Variants in DSCAML1 observed in about 807,000 individuals in gnomAD.
DSCAML1 encodes the protein DS cell adhesion molecule like 1.
A neutral mutation model predicts 200.5 loss-of-function variants in DSCAML1; 38 were observed. That is an observed-to-expected ratio of 0.19 (90% CI 0.15 to 0.25). The LOEUF (loss-of-function observed/expected upper bound fraction) is 0.25. Ranked by LOEUF, DSCAML1 falls within the 10% of genes least tolerant of loss-of-function variation. The pLI is 1.00. For missense variants in DSCAML1, 2,223 were observed against 2,858.8 expected (o/e 0.78, Z 5.07); for synonymous variants, 1,215 against 1,165.0 (o/e 1.04, Z -0.87).
chr11:117,731,394 C>T (rs1222266595), intron 3 of DSCAML1, among the ~76,000 whole-genome samples: 1 of 152,176 alleles, frequency 6.6e-6, no homozygotes, highest in Non-Finnish European at 1.5e-5. Flanking sequence ...CTCCTGCCCA[C>T]CTCTCTGGCC....
chr11:117,688,272 C>A (rs2053439289), intron 3 of DSCAML1, among the ~76,000 whole-genome samples: 1 of 152,192 alleles, frequency 6.6e-6, no homozygotes, highest in Admixed American at 6.5e-5. Context: ...CATGAACCAT[C>A]AAGGGTGGCA....
Position 117,780,232 on chromosome 11 carries a change from G to GAA in DSCAML1, c.364+259_364+260dup, listed in dbSNP as rs1565280643. Reference sequence around the variant, plus strand: ...AAGAGAGAGAGAGAAAGAAAGAAAGGAAAGAAAGAAAGAAAGAAAGAAAGA... The same window carrying GAA: ...AAGAGAGAGAGAGAAAGAAAGAAAGGAAAAAGAAAGAAAGAAAGAAAGAAAGA... On this transcript the variant is annotated intron_variant, in intron 2 of 32. Coordinates refer to ENST00000651296, the MANE Select transcript of DSCAML1 (RefSeq NM_020693.4). This position sits in a 1 kb window ranked among gnomAD's most constrained non-coding sequence, Gnocchi z 4.8. Among the ~76,000 whole-genome samples the GAA allele has an allele frequency of 1.4e-4, 4 of 29,570 alleles. No individual in the cohort carries two copies. Among genetic ancestry groups the GAA allele is most frequent in the East Asian group, 1.3e-3 (1 of 778 alleles). The allele number at this position is 29,570 out of a possible 152,430, so 19.4% of individuals were successfully genotyped here.
chr11:117,556,597 G>A (rs901410736), intron 3 of DSCAML1, among the ~76,000 whole-genome samples: 2 of 152,166 alleles, frequency 1.3e-5, no homozygotes, highest in African/African-American at 2.4e-5. Flanking sequence ...AGACAAAGAT[G>A]CATCCCATGG....
intron 8 of DSCAML1, among the ~76,000 whole-genome samples, chr11:117,508,770 C>T (rs578124581): frequency 1.7e-4 from 26 of 151,944 alleles, no homozygotes; most frequent in Non-Finnish European, 1.9e-4. Context: ...TCTGCAGAGC[C>T]GAGAGAAAGC....
chr11:117,686,114 C>G (rs1315471207), intron 3 of DSCAML1, among the ~76,000 whole-genome samples: 3 of 152,186 alleles, frequency 2.0e-5, no homozygotes, highest in Admixed American at 6.5e-5. Flanking sequence ...ACAGGAGCCC[C>G]AGCTCCTGCC....
At chr11:117,810,722 G>T (rs996496689) in intron 1 of DSCAML1, among the ~76,000 whole-genome samples, 5 of 152,166 alleles carry the variant, frequency 3.3e-5, no homozygotes, top group Non-Finnish European at 7.3e-5. Flanking sequence ...CCGGAAAACA[G>T]CTCTTTCAAT....
chr11:117,735,577 G>T (rs565988585), intron 3 of DSCAML1, among the ~76,000 whole-genome samples: 1 of 152,308 alleles, frequency 6.6e-6, no homozygotes, highest in Admixed American at 6.5e-5. Context: ...AAGAAGGCTG[G>T]CCCTCCATAG....
At chr11:117,792,521 TA>T (rs2055488503) in intron 1 of DSCAML1, among the ~76,000 whole-genome samples, 1 of 152,044 alleles carries the variant, frequency 6.6e-6, no homozygotes, top group African/African-American at 2.4e-5. Flanking sequence ...GAAGCTGCCC[TA>T]GGGGAGGTGG....
intron 27 of DSCAML1, 101 bp from the exon 28 acceptor site, chr11:117,433,572 T>C (rs918788910): frequency 1.5e-6 from 2 of 1,342,298 alleles, no homozygotes; most frequent in East Asian, 2.4e-5. Flanking sequence ...TTCCTTAAAA[T>C]GGGGCCAGGG....
chr11:117,651,144 C>T (rs1406236829), intron 3 of DSCAML1, among the ~76,000 whole-genome samples: 5 of 152,372 alleles, frequency 3.3e-5, no homozygotes, highest in East Asian at 1.9e-4. Flanking sequence ...CAATCCAGGG[C>T]GCTTTGCTCT....
intron 3 of DSCAML1, among the ~76,000 whole-genome samples, chr11:117,571,954 C>T (rs1285855574): frequency 6.6e-6 from 1 of 152,218 alleles, no homozygotes; most frequent in Non-Finnish European, 1.5e-5. Context: ...AGCGCCAATA[C>T]AGTTTCCAAT....
chr11:117,607,739 G>A (rs1435687290), intron 3 of DSCAML1, among the ~76,000 whole-genome samples: 3 of 152,198 alleles, frequency 2.0e-5, no homozygotes, highest in Admixed American at 6.5e-5. Context: ...CAGATGGTGA[G>A]GGCAGGACCC....
intron 19 of DSCAML1, among the ~76,000 whole-genome samples, chr11:117,454,389 C>T (rs1443159026): frequency 2.6e-5 from 4 of 152,214 alleles, no homozygotes; most frequent in Non-Finnish European, 5.9e-5. Context: ...TTTTCTTCTG[C>T]CTATATTCCA....
chr11:117,437,089 C>A lies in DSCAML1; in HGVS notation c.4720+33G>T. On this transcript the variant is annotated intron_variant, in intron 26 of 32. Coordinates refer to ENST00000651296, the MANE Select transcript of DSCAML1 (RefSeq NM_020693.4). The surrounding 1 kb of genome is among the most constrained non-coding windows in gnomAD (Gnocchi z 5.3). ...TTCCTTCGCACCACCCTGCTCCAGC[C>A]TCTGTACCATCCCTTCCACCCTTGC... 1 of 1,595,944 alleles carries A rather than the reference C, an allele frequency of 6.3e-7. No homozygotes were observed. The highest frequency in any genetic ancestry group is 8.5e-7 in the Non-Finnish European group (1 of 1,169,842).
chr11:117,608,589 G>T (rs1357263311), intron 3 of DSCAML1, among the ~76,000 whole-genome samples: 1 of 152,178 alleles, frequency 6.6e-6, no homozygotes, highest in Admixed American at 6.5e-5. Context: ...CATGTAGGGT[G>T]CCCATGAGAT....
At chr11:117,725,030 A>G (rs2054101385) in intron 3 of DSCAML1, among the ~76,000 whole-genome samples, 1 of 152,212 alleles carries the variant, frequency 6.6e-6, no homozygotes, top group African/African-American at 2.4e-5. Context: ...AGGTGGGCCC[A>G]GTACTAACTG....
At chr11:117,525,198 G>A (rs2049956170) in intron 4 of DSCAML1, 115 bp from the exon 5 acceptor site, 5 of 1,309,010 alleles carry the variant, frequency 3.8e-6, no homozygotes, top group South Asian at 1.6e-5. Flanking sequence ...CGCCCACAGC[G>A]AGCAGTTTCC....
Position 117,463,126 on chromosome 11 carries a change from G to A in DSCAML1, c.3266-1530C>T, listed in dbSNP as rs1420397561. Among the ~76,000 whole-genome samples the A allele has an allele frequency of 6.6e-6, 1 of 152,238 alleles. No homozygotes were observed. On this transcript the variant is annotated intron_variant, in intron 17 of 32. Transcript: ENST00000651296. The surrounding 1 kb of genome is among the most constrained non-coding windows in gnomAD (Gnocchi z 4.0). ...CCTCCTGCATCTGCGTCACTTGTTC[G>A]TGCATCCAGCCTTGCTCCCAAGCAA... is the stretch of plus-strand genomic sequence containing the variant.
At position 117,656,574 on chromosome 11, in the gene DSCAML1, A is replaced by G. The variant is rs138420404; in HGVS notation, c.511+120217T>C. Among the ~76,000 whole-genome samples, 51 of 151,796 alleles carry G rather than the reference A, an allele frequency of 3.4e-4. No individual in the cohort carries two copies. In the East Asian group the frequency reaches 6.6e-3, roughly 20 times the overall value. Reference sequence around the variant, plus strand: ...ATCCATCCACCCATCCAAATTTAGTATTCTCAACTGCCTAGTAAGGTAGAC... The same window carrying G: ...ATCCATCCACCCATCCAAATTTAGTGTTCTCAACTGCCTAGTAAGGTAGAC... On this transcript the variant is annotated intron_variant, in intron 3 of 32. Coordinates refer to ENST00000651296, the MANE Select transcript of DSCAML1 (RefSeq NM_020693.4).
Sources: gnomAD v4.1 joint callset for allele counts (sites outside exome capture counted in the v4.1 genomes callset) on GRCh38, gnomAD v4.1.1 for gene constraint, Gnocchi (gnomAD v3.1) non-coding constraint, MANE v1.5 for transcripts, NCBI Gene and HGNC (gene_info 2026-07-23, HGNC 2026-07-21) for gene names.